PTPRD: variants seen among roughly 807,000 people sequenced by gnomAD.
The protein encoded by PTPRD is receptor-type tyrosine-protein phosphatase delta.
A neutral mutation model predicts 214.5 loss-of-function variants in PTPRD; 34 were observed. The ratio of observed to expected loss-of-function variants is 0.16; its 90% confidence interval spans 0.12 to 0.21. The LOEUF (loss-of-function observed/expected upper bound fraction) is 0.21, where lower values mean the gene tolerates loss of function less well. PTPRD is among the 10% of genes least tolerant of loss of function. PTPRD has a pLI of 1.00. For missense variants in PTPRD, 2,545 were observed against 2,398.7 expected, an observed-to-expected ratio of 1.06 and a Z score of -1.27; for synonymous variants, 1,128 against 845.7, an observed-to-expected ratio of 1.33 and a Z score of -5.79.
chr9:8,576,411 C>A (rs1159911116), intron 14 of PTPRD, among the ~76,000 whole-genome samples: 1 of 151,998 alleles, frequency 6.6e-6, no homozygotes, highest in African/African-American at 2.4e-5. Flanking sequence ...TCATGATTTG[C>A]ATTTTTACAG....
intron 2 of PTPRD, among the ~76,000 whole-genome samples, chr9:10,453,297 A>T (rs1360592089): frequency 6.6e-6 from 1 of 151,574 alleles, no homozygotes; most frequent in Non-Finnish European, 1.5e-5. Flanking sequence ...TTGACTATTC[A>T]TGAGATTTTG....
At chr9:8,822,085 T>C (rs946885403) in intron 11 of PTPRD, among the ~76,000 whole-genome samples, 17 of 152,344 alleles carry the variant, frequency 1.1e-4, no homozygotes, top group Admixed American at 1.1e-3. Context: ...AACACATTTT[T>C]AGTGGTTTTG....
chr9:9,635,306 A>G (rs1234250573), intron 7 of PTPRD, among the ~76,000 whole-genome samples: 1 of 152,182 alleles, frequency 6.6e-6, no homozygotes. Context: ...TTGCTAGTGG[A>G]AGAGTCTGCT....
chr9:9,884,526 C>G (rs16930490), intron 5 of PTPRD, among the ~76,000 whole-genome samples: 3,725 of 152,164 alleles, frequency 0.024, 122 homozygotes, highest in African/African-American at 0.08. Flanking sequence ...ACAGCAAAAG[C>G]TCTGGGAATA....
intron 2 of PTPRD, among the ~76,000 whole-genome samples, chr9:10,522,176 G>T (rs1409920052): frequency 1.3e-5 from 2 of 152,146 alleles, no homozygotes; most frequent in African/African-American, 4.8e-5. Flanking sequence ...CTACTCCATA[G>T]GCAGTGGATA....
chr9:8,757,526 C>A (rs73421251), intron 11 of PTPRD, among the ~76,000 whole-genome samples: 7,479 of 151,356 alleles, frequency 0.049, 463 homozygotes, highest in African/African-American at 0.15. Context: ...CCTTCAACAC[C>A]GGCTGAGTAT....
At chr9:8,324,497 T>C (rs1253328696) in intron 44 of PTPRD, among the ~76,000 whole-genome samples, 5 of 152,180 alleles carry the variant, frequency 3.3e-5, no homozygotes, top group Non-Finnish European at 5.9e-5. Flanking sequence ...ATCCAATCTA[T>C]CATTGATGGA....
intron 22 of PTPRD, 23 bp downstream of exon 22, chr9:8,507,278 G>A (rs746259937): frequency 6.2e-7 from 1 of 1,605,556 alleles, no homozygotes; most frequent in East Asian, 2.2e-5. Flanking sequence ...TAATTCCCAA[G>A]GTGAGAAGCA....
chr9:10,378,533 G>A (rs2097769318), intron 2 of PTPRD, among the ~76,000 whole-genome samples: 1 of 151,926 alleles, frequency 6.6e-6, no homozygotes, highest in East Asian at 1.9e-4. Context: ...TCTTCTGCAT[G>A]TGAATACCCA....
chr9:9,120,178 CT>C (rs2154463085), intron 10 of PTPRD, among the ~76,000 whole-genome samples: 1 of 152,288 alleles, frequency 6.6e-6, no homozygotes, highest in Non-Finnish European at 1.5e-5. Context: ...ATCTTGAAGG[CT>C]TTTGGAAGTC....
chr9:10,609,769 T>C (rs1223502623), intron 2 of PTPRD, among the ~76,000 whole-genome samples: 2 of 152,156 alleles, frequency 1.3e-5, no homozygotes, highest in African/African-American at 4.8e-5. Flanking sequence ...AAATTAAGTG[T>C]ATTTAGTAAA....
At chr9:9,714,248 T>C (rs1452166681) in intron 7 of PTPRD, among the ~76,000 whole-genome samples, 1 of 152,100 alleles carries the variant, frequency 6.6e-6, no homozygotes. Flanking sequence ...CTTGTAACTG[T>C]TTTTCAGAGA....
At chr9:8,654,997 CG>C (rs1219749537) in intron 12 of PTPRD, among the ~76,000 whole-genome samples, 1 of 151,734 alleles carries the variant, frequency 6.6e-6, no homozygotes, top group Non-Finnish European at 1.5e-5. Context: ...CATACTAAAA[CG>C]TAGGATAATA....
At chr9:8,393,827 G>C (rs993796948) in intron 36 of PTPRD, among the ~76,000 whole-genome samples, 2 of 152,028 alleles carry the variant, frequency 1.3e-5, no homozygotes, top group Non-Finnish European at 1.5e-5. Flanking sequence ...TCCATTCCTG[G>C]GTTAAAGTGT....
intron 9 of PTPRD, among the ~76,000 whole-genome samples, chr9:9,218,852 C>T (rs1368802943): frequency 6.6e-6 from 1 of 152,148 alleles, no homozygotes; most frequent in Non-Finnish European, 1.5e-5. Context: ...ACCCCACATT[C>T]TCCAGAGGCA....
At chr9:8,457,121 C>T (rs916718325) in intron 33 of PTPRD, among the ~76,000 whole-genome samples, 5 of 152,038 alleles carry the variant, frequency 3.3e-5, no homozygotes, top group African/African-American at 1.2e-4. Context: ...GATTATAGCG[C>T]ATTATGATTA....
chr9:8,838,253 A>T lies in PTPRD; in HGVS notation c.-103-104307T>A, dbSNP rs2097481282. On this transcript the variant is annotated intron_variant, in intron 11 of 45. Coordinates refer to ENST00000381196, the MANE Select transcript of PTPRD (RefSeq NM_002839.4). ...ACACATAACGACTTCAAATTAAAAAAAAAAGAGTACTGCAAATACTTGGGG... is the reference window on the plus strand; with the variant it reads ...ACACATAACGACTTCAAATTAAAAATAAAAGAGTACTGCAAATACTTGGGG... Among the ~76,000 whole-genome samples the T allele has an allele frequency of 2.6e-5, 4 of 152,176 alleles. 1 individual carries two copies. Among genetic ancestry groups the T allele is most frequent in the Admixed American group, 2.0e-4 (3 of 15,286 alleles).
At chr9:10,501,503 T>G (rs1589547493) in intron 2 of PTPRD, among the ~76,000 whole-genome samples, 1 of 151,900 alleles carries the variant, frequency 6.6e-6, no homozygotes, top group East Asian at 1.9e-4. Flanking sequence ...TTCGTTGACT[T>G]CAATTATTAA....
At chr9:10,150,027 C>T (rs1310452856) in intron 3 of PTPRD, among the ~76,000 whole-genome samples, 2 of 152,128 alleles carry the variant, frequency 1.3e-5, no homozygotes, top group African/African-American at 4.8e-5. Context: ...TGGCGTCTGG[C>T]CCTATCCATT....
Sources: allele counts gnomAD v4.1 joint callset (sites outside exome capture counted in the v4.1 genomes callset), GRCh38; gene constraint gnomAD v4.1.1; transcripts MANE v1.5; gene names NCBI Gene and HGNC (gene_info 2026-07-23, HGNC 2026-07-21).